The following SH2B1 variants were observed in gnomAD, a reference collection of about 807,000 sequenced individuals.
The protein encoded by SH2B1 is SH2B adapter protein 1.
In SH2B1, 15 loss-of-function variants were observed where a neutral mutation model predicts 62.6. The observed-to-expected ratio is 0.24, with a 90% CI of 0.16 to 0.37. SH2B1 has a LOEUF of 0.37. Ranked by LOEUF, SH2B1 falls within the 10% of genes least tolerant of loss-of-function variation. SH2B1 has a pLI of 1.00. For synonymous variants in SH2B1, 443 were observed against 438.0 expected (o/e 1.01, Z -0.14); for missense variants, 925 against 1,015.6 (o/e 0.91, Z 1.21).
At position 28,866,534 on chromosome 16, in the gene SH2B1, C is replaced by T. The variant is rs779537768; in HGVS notation, c.440C>T (p.Pro147Leu). ...VSSSSTTSSK[P>L]KLKKRFSLRS... ...TCCTCCTCTACAACCTCCTCCAAGC[C>T]GAAGCTCAAGAAGCGCTTTTCCCTG... Residue 147 changes from proline (P) to leucine (L), a missense_variant, in exon 1 of 8, where the codon CCG becomes CTG. This residue lies in a region of SH2B1 where 683 missense variants were observed against 704.0 expected (regional missense o/e 0.97). Transcript: ENST00000684370. The surrounding 1 kb of genome is among the most constrained non-coding windows in gnomAD (Gnocchi z 6.3). 1.2e-5 allele frequency: 20 copies of T among 1,613,942 alleles called. No individual in the cohort carries two copies. The highest frequency in any genetic ancestry group is 6.7e-5 in the African/African-American group (5 of 74,888).
rs1419739881 is a variant in SH2B1, at chr16:28,873,366, G to T, written c.1898-81G>T. ...GATGTGGGGAGACAGCCACGCTCCT[G>T]GGGGGCTGAGTGAAGGGGAGGCCAC... On this transcript the variant is annotated intron_variant, in intron 7 of 7. Coordinates refer to ENST00000684370, the MANE Select transcript of SH2B1 (RefSeq NM_001387430.1). The surrounding 1 kb of genome is among the most constrained non-coding windows in gnomAD (Gnocchi z 4.2). The T allele has an allele frequency of 1.9e-6, 3 of 1,582,242 alleles. No homozygotes were observed. The highest frequency in any genetic ancestry group is 1.1e-5 in the South Asian group (1 of 89,024).
At position 28,873,058 on chromosome 16, in the gene SH2B1, A is replaced by C; in HGVS notation, c.1897+353A>C. On this transcript the variant is annotated intron_variant, in intron 7 of 7. Transcript: ENST00000684370. This position sits in a 1 kb window ranked among gnomAD's most constrained non-coding sequence, Gnocchi z 4.2. ...GGCCTTGGGCCTGCCCTTCCCGGGG[A>C]CACTCGGTCTGATCCCCTTCCCTCC... The C allele has an allele frequency of 1.3e-6, 1 of 766,084 alleles. No individual in the cohort carries two copies. Among genetic ancestry groups the C allele is most frequent in the African/African-American group, 1.8e-5 (1 of 56,750 alleles). The allele number at this position is 766,084 out of a possible 1,614,324, so 47.5% of individuals were successfully genotyped here.
intron 4 of SH2B1, 81 bp from the exon 5 acceptor site, chr16:28,871,698 CT>C: frequency 8.9e-7 from 1 of 1,125,350 alleles, no homozygotes; most frequent in Non-Finnish European, 1.3e-6. Context: ...ACAGGGTAGA[CT>C]GCTGGTGAGG....
chr16:28,872,627 C>T lies in SH2B1; in HGVS notation c.1819C>T (p.His607Tyr). 1 of 1,614,210 alleles carries T rather than the reference C, an allele frequency of 6.2e-7. No homozygotes were observed. Among genetic ancestry groups the T allele is most frequent in the Non-Finnish European group, 8.5e-7 (1 of 1,180,032 alleles). ...CGATATGCTCGAGCACTTCCGGGTGCACCCCATCCCTTTGGAGTCGGGAGG... is the reference window on the plus strand; with the variant it reads ...CGATATGCTCGAGCACTTCCGGGTGTACCCCATCCCTTTGGAGTCGGGAGG... ...IFDMLEHFRVHPIPLESGGSS... is the reference protein window; with the variant it reads ...IFDMLEHFRVYPIPLESGGSS... The change falls in exon 7 of 8, where the codon CAC becomes TAC. Residue 607 changes from histidine to tyrosine, a missense_variant. His to Tyr is a moderately conservative substitution (Grantham distance 83). Around this residue, in one of 3 missense-constraint regions of SH2B1, gnomAD observed 57 missense variants for 122.1 expected, o/e 0.47. Coordinates refer to ENST00000684370, the MANE Select transcript of SH2B1 (RefSeq NM_001387430.1). This position sits in a 1 kb window ranked among gnomAD's most constrained non-coding sequence, Gnocchi z 5.3.
chr16:28,873,578 A>T lies in SH2B1; in HGVS notation c.2029A>T (p.Arg677Trp), dbSNP rs1313020349. ...AAAAAAAAKERQEKEKAGGGG... is the reference protein window; with the variant it reads ...AAAAAAAAKEWQEKEKAGGGG... The stretch of plus-strand genomic sequence containing the variant: ...AGCAGCAGCCGCAGCAGCCAAAGAG[A>T]GGCAAGAGAAAGAGAAAGCGGGCGG... Residue 677 changes from arginine to tryptophan, a missense_variant, in exon 8 of 8, where the codon AGG becomes TGG. Arg to Trp is a moderately radical substitution (Grantham distance 101). This residue lies in a region of SH2B1 where 185 missense variants were observed against 189.5 expected (regional missense o/e 0.98). Transcript: ENST00000684370. This position sits in a 1 kb window ranked among gnomAD's most constrained non-coding sequence, Gnocchi z 4.2. The T allele has an allele frequency of 1.9e-6, 3 of 1,585,934 alleles. No individual in the cohort carries two copies. Among genetic ancestry groups the T allele is most frequent in the Non-Finnish European group, 8.6e-7 (1 of 1,166,558 alleles).
Position 28,852,626 on chromosome 16 carries a change from ATATATATACACATATATATT to A in SH2B1, c.-301+5808_-301+5827del, listed in dbSNP as rs1962170059. Among the ~76,000 whole-genome samples the A allele has an allele frequency of 3.5e-5, 3 of 85,938 alleles. 1 individual carries two copies. Among genetic ancestry groups the A allele is most frequent in the African/African-American group, 5.3e-5 (1 of 18,894 alleles). 56.4% of individuals were successfully genotyped at this position (85,938 alleles called of 152,430 possible). On this transcript the variant is annotated intron_variant, in intron 1 of 10. Transcript: ENST00000322610. ...TTTATATATATACACATATATATTT[ATATATATACACATATATATT>A]TATATATATACACATATATATTTAT...
At chr16:28,848,535 T>C (rs1277674135) in intron 1 of SH2B1, among the ~76,000 whole-genome samples, 2 of 152,110 alleles carry the variant, frequency 1.3e-5, no homozygotes, top group African/African-American at 4.8e-5. Flanking sequence ...TGTTTCACAA[T>C]CAGCGCTCCC....
At position 28,869,040 on chromosome 16, in the gene SH2B1, T is replaced by A. The variant is rs1310621489; in HGVS notation, c.1076T>A (p.Val359Glu). ...CCATCCGAGTATATCATGGAGACAG[T>A]GGATGCCCAGCATGTGAAGGCCTGG... ...EGPSEYIMET[V>E]DAQHVKAWVS... The change falls in exon 3 of 8, where the codon GTG becomes GAG. Residue 359 changes from valine to glutamate, a missense_variant. Coordinates refer to ENST00000684370, the MANE Select transcript of SH2B1 (RefSeq NM_001387430.1). 1 of 1,614,134 alleles carries A rather than the reference T, an allele frequency of 6.2e-7. No individual in the cohort carries two copies. Among genetic ancestry groups the A allele is most frequent in the East Asian group, 2.2e-5 (1 of 44,876 alleles).
rs1316203180 is a variant in SH2B1, at chr16:28,872,329, C to T, written c.1653C>T (p.Val551=). 6.2e-7 allele frequency: 1 copy of T among 1,613,832 alleles called. No individual in the cohort carries two copies. The highest frequency in any genetic ancestry group is 8.5e-7 in the Non-Finnish European group (1 of 1,179,868). The part of the protein sequence containing the change: ...VLTGGTGSHG[V]FLVRQSETRR... ...CTGGCGGCACTGGCTCCCACGGTGT[C>T]TTCCTGGTGCGCCAGAGTGAGACAA... The change falls in exon 6 of 8, where the codon GTC becomes GTT. Residue 551 remains valine, a synonymous_variant. Coordinates refer to ENST00000684370, the MANE Select transcript of SH2B1 (RefSeq NM_001387430.1). This position sits in a 1 kb window ranked among gnomAD's most constrained non-coding sequence, Gnocchi z 5.3.
Position 28,873,615 on chromosome 16 carries a change from CG to C in SH2B1, c.2068del (p.Glu690LysfsTer19). ...EKEKAGGGGV[P>X]EELVPVVELV... ...GAGAAAGCGGGCGGTGGAGGGGTCCCGGAAGAGCTGGTCCCCGTGGTTGAGC... is the reference window on the plus strand; with the variant it reads ...GAGAAAGCGGGCGGTGGAGGGGTCCCGAAGAGCTGGTCCCCGTGGTTGAGC... On this transcript the variant is annotated frameshift_variant, in exon 8 of 8. Transcript: ENST00000684370. LOFTEE classifies it high-confidence loss of function. The surrounding 1 kb of genome is among the most constrained non-coding windows in gnomAD (Gnocchi z 4.2). 1 of 1,547,446 alleles carries C rather than the reference CG, an allele frequency of 6.5e-7. No homozygotes were observed. The highest frequency in any genetic ancestry group is 8.7e-7 in the Non-Finnish European group (1 of 1,145,552).
chr16:28,853,895 G>C (rs971296414), intron 1 of SH2B1, among the ~76,000 whole-genome samples: 3 of 151,290 alleles, frequency 2.0e-5, no homozygotes, highest in Non-Finnish European at 4.4e-5. Flanking sequence ...CAGCTACTCG[G>C]GAGGCTGAGA....
At chr16:28,870,594 A>G (rs1460205419) in intron 4 of SH2B1, among the ~76,000 whole-genome samples, 1 of 152,138 alleles carries the variant, frequency 6.6e-6, no homozygotes, top group Non-Finnish European at 1.5e-5. Flanking sequence ...GATGCCTCTT[A>G]AGAGTTAGGG....
rs766443424 is a variant in SH2B1, at chr16:28,866,989, G to A, written c.895G>A (p.Glu299Lys). 2 of 1,603,288 alleles carry A rather than the reference G, an allele frequency of 1.2e-6. No homozygotes were observed. The highest frequency in any genetic ancestry group is 2.2e-5 in the East Asian group (1 of 44,888). ...KCRLLLRSEG[E>K]GGGGSRLEFF... ...TCGCCTGCTGCTTCGAAGTGAAGGA[G>A]AAGGAGGAGGAGGAAGTCGCCTGGA... Residue 299 changes from glutamate (E) to lysine (K), a missense_variant, in exon 1 of 8, where the codon GAA (glutamate) becomes AAA (lysine). This residue lies in a region of SH2B1 where 683 missense variants were observed against 704.0 expected (regional missense o/e 0.97). Transcript: ENST00000684370. This position sits in a 1 kb window ranked among gnomAD's most constrained non-coding sequence, Gnocchi z 6.3.
chr16:28,869,408 C>T (rs753901400), intron 4 of SH2B1, 25 bp downstream of exon 4: 9 of 1,595,470 alleles, frequency 5.6e-6, no homozygotes, highest in African/African-American at 2.7e-5. Flanking sequence ...TTAGAGAGCT[C>T]GGAGCCTCGG....
intron 1 of SH2B1, among the ~76,000 whole-genome samples, chr16:28,856,198 C>T (rs1471495657): frequency 1.4e-5 from 2 of 147,544 alleles, no homozygotes; most frequent in African/African-American, 2.5e-5. Context: ...CACTTGAATC[C>T]GGAGGTGGAC....
rs1962629756 is a variant in SH2B1, at chr16:28,865,407, A to G, written c.-688A>G. 2 of 985,502 alleles carry G rather than the reference A, an allele frequency of 2.0e-6. No individual in the cohort carries two copies. The highest frequency in any genetic ancestry group is 3.5e-5 in the African/African-American group (2 of 57,230). 61.0% of individuals were successfully genotyped at this position (985,502 alleles called of 1,614,324 possible). On this transcript the variant is annotated 5_prime_UTR_variant, in exon 1 of 8. Coordinates refer to ENST00000684370, the MANE Select transcript of SH2B1 (RefSeq NM_001387430.1). ...GGCCCCCTCCAAAGAGTTGGACCCT[A>G]AGATGCGTGAGGCAGGCTCTCTAAG...
rs1431616488 is a variant in SH2B1 at position 28,867,344 on chromosome 16, G to A, written c.953G>A (p.Arg318Gln). The A allele has an allele frequency of 4.3e-6, 7 of 1,613,896 alleles. No homozygotes were observed. The highest frequency in any genetic ancestry group is 1.7e-5 in the Admixed American group (1 of 59,998). Residue 318 changes from arginine (R) to glutamine (Q), a missense_variant, in exon 2 of 8, where the codon CGA becomes CAA. By Grantham distance (43) the Arg-to-Gln change is conservative. Transcript: ENST00000684370. ...FFVPPKASRP[R>Q]LSIPCSSITD... Reference sequence around the variant, plus strand: ...CTCCTGACTTAGGCCTCTCGGCCCCGACTCAGCATCCCCTGCTCTTCTATC... The same window carrying A: ...CTCCTGACTTAGGCCTCTCGGCCCCAACTCAGCATCCCCTGCTCTTCTATC...
intron 4 of SH2B1, among the ~76,000 whole-genome samples, chr16:28,870,215 G>T (rs560102737): frequency 6.6e-6 from 1 of 152,364 alleles, no homozygotes; most frequent in Non-Finnish European, 1.5e-5. Flanking sequence ...GCCCTGCTCT[G>T]TGTCCCGGGC....
rs1249977622 is a variant in SH2B1 at position 28,852,396 on chromosome 16, ATATATATTTACATATATATT to A, written c.-301+5597_-301+5616del. On this transcript the variant is annotated intron_variant, in intron 1 of 10. Transcript: ENST00000322610. ...TATTTACATATATTTATATATATAC[ATATATATTTACATATATATT>A]TATATATTTACATATATATTTATAT... Among the ~76,000 whole-genome samples the A allele has an allele frequency of 3.4e-4, 9 of 26,294 alleles. 1 individual carries two copies. The highest frequency in any genetic ancestry group is 2.5e-3 in the East Asian group (1 of 394). 17.2% of individuals were successfully genotyped at this position (26,294 alleles called of 152,430 possible).
Sources: allele counts gnomAD v4.1 joint callset (sites outside exome capture counted in the v4.1 genomes callset), GRCh38; gene constraint gnomAD v4.1.1; regional missense constraint gnomAD v4.1.1; non-coding constraint Gnocchi (gnomAD v3.1); transcripts MANE v1.5; gene names NCBI Gene and HGNC (gene_info 2026-07-23, HGNC 2026-07-21).